The following ZDHHC9 variants were observed in gnomAD, a reference collection of about 807,000 sequenced individuals.
The protein encoded by ZDHHC9 is palmitoyltransferase ZDHHC9.
ZDHHC9 carries 3 observed loss-of-function variants against 26.6 expected under a neutral mutation model. That is an observed-to-expected ratio of 0.11 (90% confidence interval 0.05 to 0.29). The LOEUF (loss-of-function observed/expected upper bound fraction) is 0.29, where lower values mean the gene tolerates loss of function less well. ZDHHC9 is among the 10% of genes least tolerant of loss of function. The pLI, the probability that ZDHHC9 is intolerant of heterozygous loss-of-function variation, is 1.00. For missense variants in ZDHHC9, 146 were observed against 296.4 expected (o/e 0.49, Z 3.73); for synonymous variants, 111 against 109.4 (o/e 1.01, Z -0.09).
rs1022168323 is a variant in ZDHHC9 at position 129,809,012 on chromosome X, A to G, written c.978+1893T>C. On this transcript the variant is annotated intron_variant, in intron 10 of 10. Coordinates refer to ENST00000357166, the MANE Select transcript of ZDHHC9 (RefSeq NM_016032.4). ...CAGGGAAATGCAAATCAAAACCACAATGAGATACCACTTCACATTCACTAA... is the reference window on the plus strand; with the variant it reads ...CAGGGAAATGCAAATCAAAACCACAGTGAGATACCACTTCACATTCACTAA... Among the ~76,000 whole-genome samples, 7 of 112,301 alleles carry G rather than the reference A, an allele frequency of 6.2e-5. No homozygotes were observed. The South Asian group carries it at 2.2e-3, about 35-fold the overall frequency.
At chrX:129,820,062 T>C (rs778985829) in intron 5 of ZDHHC9, among the ~76,000 whole-genome samples, 7 of 111,469 alleles carry the variant, frequency 6.3e-5, no homozygotes, top group Non-Finnish European at 1.3e-4. Flanking sequence ...TTAATTGTCA[T>C]AATAATCCTG....
chrX:129,814,757 C>T lies in ZDHHC9; in HGVS notation c.526G>A (p.Val176Ile). The part of the protein sequence containing the change: ...DHHCPWVGNC[V>I]GKRNYRYFYL... ...AAGTAGCGGTAGTTCCTCTTTCCAA[C>T]ACAATTCCCCACCCAGGGGCAGTGA... The change falls in exon 6 of 11, where the codon GTT becomes ATT. Residue 176 changes from valine to isoleucine, a missense_variant. This residue lies in a region of ZDHHC9 where 100 missense variants were observed against 250.0 expected (regional missense o/e 0.40). Coordinates refer to ENST00000357166, the MANE Select transcript of ZDHHC9 (RefSeq NM_016032.4). 1 of 1,210,842 alleles carries T rather than the reference C, an allele frequency of 8.3e-7. No homozygotes were observed. The highest frequency in any genetic ancestry group is 1.1e-6 in the Non-Finnish European group (1 of 895,245).
chrX:129,830,580 ATCC>A (rs1467793660), intron 3 of ZDHHC9, among the ~76,000 whole-genome samples: 1 of 111,919 alleles, frequency 8.9e-6, no homozygotes, highest in East Asian at 2.8e-4. Flanking sequence ...ACCTATTTTT[ATCC>A]TCCTCCTCCT....
At chrX:129,842,774 G>A (rs978706918) in intron 2 of ZDHHC9, among the ~76,000 whole-genome samples, 2 of 112,635 alleles carry the variant, frequency 1.8e-5, no homozygotes, top group African/African-American at 6.4e-5. Flanking sequence ...CAATCTGGCT[G>A]GTCTAGCCTA....
At chrX:129,821,437 C>T (rs1487375517) in intron 5 of ZDHHC9, among the ~76,000 whole-genome samples, 2 of 107,459 alleles carry the variant, frequency 1.9e-5, no homozygotes, top group African/African-American at 3.4e-5. Flanking sequence ...GGACTACAGG[C>T]GCCCACCACC....
At chrX:129,819,555 T>C (rs921854238) in intron 5 of ZDHHC9, among the ~76,000 whole-genome samples, 2 of 111,865 alleles carry the variant, frequency 1.8e-5, no homozygotes, top group Non-Finnish European at 3.8e-5. Flanking sequence ...TGTATTTCCT[T>C]GCATATTTCT....
At chrX:129,819,923 C>G (rs1025316123) in intron 5 of ZDHHC9, among the ~76,000 whole-genome samples, 4 of 111,027 alleles carry the variant, frequency 3.6e-5, no homozygotes, top group African/African-American at 1.3e-4. Context: ...TCTCAAACTT[C>G]TGGCCTCAAG....
At chrX:129,825,849 A>G (rs904711219) in intron 4 of ZDHHC9, among the ~76,000 whole-genome samples, 3 of 111,996 alleles carry the variant, frequency 2.7e-5, no homozygotes, top group Non-Finnish European at 5.6e-5. Flanking sequence ...ATCCTTCTAC[A>G]GTAATTTGTA....
At chrX:129,839,265 C>T (rs979859130) in intron 3 of ZDHHC9, among the ~76,000 whole-genome samples, 1 of 106,716 alleles carries the variant, frequency 9.4e-6, no homozygotes, top group Non-Finnish European at 1.9e-5. Flanking sequence ...ACTCTGTCAT[C>T]CAGGCTAAGA....
At chrX:129,813,600 G>A in intron 7 of ZDHHC9, 77 bp downstream of exon 7, 1 of 1,015,776 alleles carries the variant, frequency 9.8e-7, no homozygotes, top group African/African-American at 1.9e-5. Flanking sequence ...CTAGATAGTG[G>A]GAGAACTGTG....
chrX:129,814,515 C>T, intron 6 of ZDHHC9, 143 bp downstream of exon 6: 1 of 853,512 alleles, frequency 1.2e-6, no homozygotes, highest in Non-Finnish European at 1.7e-6. Flanking sequence ...TGCTCAAGAG[C>T]AGATAACTGT....
intron 6 of ZDHHC9, among the ~76,000 whole-genome samples, chrX:129,813,968 G>A (rs1024462303): frequency 1.8e-5 from 2 of 112,117 alleles, no homozygotes; most frequent in Non-Finnish European, 3.8e-5. Flanking sequence ...AAGAGCAGCA[G>A]GCTCCCTTCC....
intron 3 of ZDHHC9, among the ~76,000 whole-genome samples, chrX:129,834,744 T>C (rs1362346474): frequency 8.9e-6 from 1 of 112,011 alleles, no homozygotes; most frequent in Non-Finnish European, 1.9e-5. Context: ...AGGCTCTCCA[T>C]TAACTGGCCT....
chrX:129,828,900 C>T, intron 4 of ZDHHC9, 81 bp downstream of exon 4: 1 of 1,138,835 alleles, frequency 8.8e-7, no homozygotes, highest in African/African-American at 1.8e-5. Flanking sequence ...TATTAATCTG[C>T]AACTACTATT....
At chrX:129,826,667 C>T (rs1274765802) in intron 4 of ZDHHC9, among the ~76,000 whole-genome samples, 2 of 111,410 alleles carry the variant, frequency 1.8e-5, no homozygotes, top group Non-Finnish European at 3.8e-5. Context: ...CTCTTCCTCA[C>T]CATCTTGCTC....
chrX:129,839,455 T>G (rs1928332312), intron 3 of ZDHHC9, among the ~76,000 whole-genome samples: 1 of 110,910 alleles, frequency 9.0e-6, no homozygotes, highest in Non-Finnish European at 1.9e-5. Context: ...TCAAGTGATC[T>G]GCCTGCCTCG....
At chrX:129,815,209 T>A (rs1927732819) in intron 5 of ZDHHC9, among the ~76,000 whole-genome samples, 1 of 111,928 alleles carries the variant, frequency 8.9e-6, no homozygotes, top group Non-Finnish European at 1.9e-5. Context: ...TGGTATGGCA[T>A]AGTTCAATGG....
intron 5 of ZDHHC9, among the ~76,000 whole-genome samples, chrX:129,819,172 CAAAAAAAAAA>C (rs10555509): frequency 2.8e-4 from 10 of 36,084 alleles, no homozygotes; most frequent in African/African-American, 8.0e-4. Flanking sequence ...GCCTCCGTCT[CAAAAAAAAAA>C]AAAAAAAAAA....
intron 3 of ZDHHC9, among the ~76,000 whole-genome samples, chrX:129,831,708 C>T (rs1310752729): frequency 8.9e-6 from 1 of 112,148 alleles, no homozygotes; most frequent in East Asian, 2.8e-4. Flanking sequence ...AGGCTATTGG[C>T]AGCCAGTCGT....
Sources: allele counts gnomAD v4.1 joint callset (sites outside exome capture counted in the v4.1 genomes callset), GRCh38; gene constraint gnomAD v4.1.1; regional missense constraint gnomAD v4.1.1; transcripts MANE v1.5; gene names NCBI Gene and HGNC (gene_info 2026-07-23, HGNC 2026-07-21).